Variants in GABPB1 observed in about 807,000 individuals in gnomAD.
The protein encoded by GABPB1 is GA binding protein transcription factor subunit beta 1.
GABPB1 carries 15 observed loss-of-function variants against 45.9 expected under a neutral mutation model. The observed-to-expected ratio is 0.33, with a 90% CI of 0.22 to 0.50. The LOEUF (loss-of-function observed/expected upper bound fraction) is 0.50, where lower values mean the gene tolerates loss of function less well. GABPB1 is among the 20% of genes least tolerant of loss of function. GABPB1 has a pLI of 0.98. For missense variants in GABPB1, 252 were observed against 457.5 expected, an observed-to-expected ratio of 0.55 and a Z score of 4.10; for synonymous variants, 143 against 154.4, an observed-to-expected ratio of 0.93 and a Z score of 0.55.
chr15:50,291,844 G>A (rs985150414), intron 6 of GABPB1, among the ~76,000 whole-genome samples: 12 of 151,274 alleles, frequency 7.9e-5, no homozygotes, highest in Middle Eastern at 3.4e-3. Context: ...CTTGAGCCTG[G>A]GAGGTTGAGG....
chr15:50,345,531 G>A (rs79158873), intron 1 of GABPB1, among the ~76,000 whole-genome samples: 3,071 of 152,300 alleles, frequency 0.02, 107 homozygotes, highest in African/African-American at 0.071. Flanking sequence ...TTGTACTCCA[G>A]CCTGGGCAAC....
intron 6 of GABPB1, among the ~76,000 whole-genome samples, chr15:50,294,258 G>T (rs1358748990): frequency 6.6e-6 from 1 of 152,216 alleles, no homozygotes; most frequent in Non-Finnish European, 1.5e-5. Flanking sequence ...GCTCATGCCT[G>T]TAATCTCAGC....
intron 1 of GABPB1, among the ~76,000 whole-genome samples, chr15:50,324,134 G>T (rs2047666302): frequency 6.6e-6 from 1 of 152,078 alleles, no homozygotes; most frequent in South Asian, 2.1e-4. Flanking sequence ...GCCCAGCGAG[G>T]TCAAGGCTGC....
At chr15:50,328,790 T>C (rs80325084) in intron 1 of GABPB1, among the ~76,000 whole-genome samples, 9,378 of 152,240 alleles carry the variant, frequency 0.062, 835 homozygotes, top group African/African-American at 0.2. Flanking sequence ...TCATAACAGG[T>C]TGTAACAAAT....
chr15:50,338,062 CAG>C (rs2048210867), intron 1 of GABPB1, among the ~76,000 whole-genome samples: 1 of 152,136 alleles, frequency 6.6e-6, no homozygotes, highest in South Asian at 2.1e-4. Flanking sequence ...TGTTTTGAGA[CAG>C]AGTCTCACTC....
rs1397043788 is a variant in GABPB1, at chr15:50,278,088, T to C, written c.*544A>G. The C allele has an allele frequency of 6.5e-6, 1 of 152,678 alleles. No individual in the cohort carries two copies. Among genetic ancestry groups the C allele is most frequent in the Admixed American group, 6.5e-5 (1 of 15,282 alleles). 9.5% of individuals were successfully genotyped at this position (152,678 alleles called of 1,614,324 possible). On this transcript the variant is annotated 3_prime_UTR_variant, in exon 9 of 9. Transcript: ENST00000380877. ...ATATACATGTAAATCTACTTGGGTA[T>C]AGCTGAAATTGAACAAATATAAAAA...
At chr15:50,292,582 G>C (rs1050599233) in intron 6 of GABPB1, among the ~76,000 whole-genome samples, 1 of 152,126 alleles carries the variant, frequency 6.6e-6, no homozygotes, top group African/African-American at 2.4e-5. Flanking sequence ...GATACACTGG[G>C]AGGTTACAAA....
At chr15:50,354,840 C>A (rs2049036603) in intron 1 of GABPB1, 145 bp downstream of exon 1, 1 of 230,486 alleles carries the variant, frequency 4.3e-6, no homozygotes, top group Non-Finnish European at 8.7e-6. Flanking sequence ...GGGCCAGGAG[C>A]CCCGGAAACC....
At chr15:50,319,172 G>A (rs1432483322) in intron 1 of GABPB1, among the ~76,000 whole-genome samples, 2 of 152,174 alleles carry the variant, frequency 1.3e-5, no homozygotes, top group Non-Finnish European at 2.9e-5. Context: ...CTGGGAAAGA[G>A]GGTTCTGGGG....
chr15:50,278,779 T>C lies in GABPB1; in HGVS notation c.1005A>G (p.Arg335=). The C allele has an allele frequency of 6.3e-7, 1 of 1,598,328 alleles. No individual in the cohort carries two copies. The highest frequency in any genetic ancestry group is 8.5e-7 in the Non-Finnish European group (1 of 1,175,958). ...NRVESAEIEE[R]EALQKQLDEA... ...CATCCAGCTGTTTCTGAAGAGCTTC[T>C]CTCTCCTAATTAAAAGAAGAGGGTT... is the stretch of plus-strand genomic sequence containing the variant. Residue 335 remains arginine, a synonymous_variant, in exon 9 of 9, where the codon AGA becomes AGG. Transcript: ENST00000380877.
chr15:50,336,162 C>A (rs936403811), intron 1 of GABPB1, among the ~76,000 whole-genome samples: 1 of 151,562 alleles, frequency 6.6e-6, no homozygotes, highest in African/African-American at 2.4e-5. Context: ...ACAAGTCTGG[C>A]CAATATGGCG....
chr15:50,305,291 TATCTATAG>T (rs1006153335), intron 2 of GABPB1, among the ~76,000 whole-genome samples: 8 of 151,532 alleles, frequency 5.3e-5, no homozygotes, highest in African/African-American at 1.5e-4. Context: ...TCTATCTATC[TATCTATAG>T]ATAGAGAGAT....
chr15:50,286,764 G>A (rs2046172641), intron 7 of GABPB1, among the ~76,000 whole-genome samples: 1 of 152,028 alleles, frequency 6.6e-6, no homozygotes, highest in Non-Finnish European at 1.5e-5. Flanking sequence ...GCTTGTTTTT[G>A]TATTGTACTG....
At chr15:50,345,902 G>A (rs1288687729) in intron 1 of GABPB1, among the ~76,000 whole-genome samples, 2 of 151,934 alleles carry the variant, frequency 1.3e-5, no homozygotes, top group Non-Finnish European at 2.9e-5. Context: ...TAGTAGAGAC[G>A]GGGTTTCACT....
At chr15:50,325,688 C>G (rs1327434569) in intron 1 of GABPB1, among the ~76,000 whole-genome samples, 1 of 151,912 alleles carries the variant, frequency 6.6e-6, no homozygotes, top group Non-Finnish European at 1.5e-5. Flanking sequence ...CACACCAGCA[C>G]GCCCAGCTAA....
intron 6 of GABPB1, among the ~76,000 whole-genome samples, chr15:50,297,687 T>G (rs559317365): frequency 5.7e-4 from 86 of 152,206 alleles, no homozygotes; most frequent in African/African-American, 2.0e-3. Context: ...ATACAAAAAT[T>G]GGCTGAGAGT....
At chr15:50,294,819 TAAGAA>T (rs923940969) in intron 6 of GABPB1, among the ~76,000 whole-genome samples, 7 of 152,076 alleles carry the variant, frequency 4.6e-5, no homozygotes, top group Admixed American at 3.9e-4. Context: ...TTTTGACACA[TAAGAA>T]AAGAGGGAAC....
intron 1 of GABPB1, among the ~76,000 whole-genome samples, chr15:50,313,952 C>T (rs371325148): frequency 6.6e-6 from 1 of 151,562 alleles, no homozygotes; most frequent in Non-Finnish European, 1.5e-5. Flanking sequence ...AGAGGATGAG[C>T]GGAAAAAACA....
chr15:50,354,842 C>G (rs1056056670), intron 1 of GABPB1, 143 bp downstream of exon 1: 8 of 230,300 alleles, frequency 3.5e-5, no homozygotes, highest in Non-Finnish European at 6.9e-5. Flanking sequence ...GCCAGGAGCC[C>G]CGGAAACCCG....
Sources: gnomAD v4.1 joint callset for allele counts (sites outside exome capture counted in the v4.1 genomes callset) on GRCh38, gnomAD v4.1.1 for gene constraint, MANE v1.5 for transcripts, NCBI Gene and HGNC (gene_info 2026-07-23, HGNC 2026-07-21) for gene names.